DNAJC5B: variants seen among roughly 807,000 people sequenced by gnomAD.
DNAJC5B encodes the protein DnaJ heat shock protein family (Hsp40) member C5 beta.
DNAJC5B carries 23 observed loss-of-function variants against 24.7 expected under a neutral mutation model. The observed-to-expected ratio is 0.93, with a 90% CI of 0.67 to 1.32. The LOEUF (loss-of-function observed/expected upper bound fraction) is 1.32. DNAJC5B is among the 40% of genes most tolerant of loss of function. The probability of loss-of-function intolerance (pLI) is 0.00; values close to 1 mark genes in which losing one functional copy is unlikely to be tolerated. For missense variants in DNAJC5B, 238 were observed against 240.8 expected (o/e 0.99, Z 0.08); for synonymous variants, 101 against 90.1 (o/e 1.12, Z -0.68).
chr8:66,038,962 C>T (rs1806546861), intron 1 of DNAJC5B, among the ~76,000 whole-genome samples: 1 of 152,148 alleles, frequency 6.6e-6, no homozygotes, highest in Non-Finnish European at 1.5e-5. Flanking sequence ...TTTACTTAAC[C>T]AAAAGTTTAC....
chr8:66,068,186 C>G (rs961012674), intron 3 of DNAJC5B, among the ~76,000 whole-genome samples: 1 of 152,058 alleles, frequency 6.6e-6, no homozygotes, highest in Non-Finnish European at 1.5e-5. Flanking sequence ...GATAAGCATA[C>G]AAATCAAGAC....
intron 3 of DNAJC5B, among the ~76,000 whole-genome samples, chr8:66,067,938 T>G (rs1586096724): frequency 6.6e-6 from 1 of 152,200 alleles, no homozygotes; most frequent in Non-Finnish European, 1.5e-5. Flanking sequence ...TTTATGTAGC[T>G]TGTTACAGAG....
At chr8:66,063,965 C>T (rs987986834) in intron 3 of DNAJC5B, among the ~76,000 whole-genome samples, 2 of 152,106 alleles carry the variant, frequency 1.3e-5, no homozygotes, top group Non-Finnish European at 2.9e-5. Flanking sequence ...TCCAGCAATG[C>T]TGGCCAGCAG....
chr8:66,041,253 C>T (rs937266351), intron 1 of DNAJC5B, among the ~76,000 whole-genome samples: 1 of 152,150 alleles, frequency 6.6e-6, no homozygotes, highest in East Asian at 1.9e-4. Flanking sequence ...TTCATCATGT[C>T]CTTGCACATC....
At chr8:66,031,948 A>G (rs1400034931) in intron 1 of DNAJC5B, among the ~76,000 whole-genome samples, 2 of 152,226 alleles carry the variant, frequency 1.3e-5, no homozygotes, top group African/African-American at 4.8e-5. Flanking sequence ...TGCACCTACT[A>G]TGTCATCAGT....
At chr8:66,069,305 T>G (rs10108405) in intron 3 of DNAJC5B, among the ~76,000 whole-genome samples, 1 of 152,134 alleles carries the variant, frequency 6.6e-6, no homozygotes, top group East Asian at 1.9e-4. Flanking sequence ...TGACATCATA[T>G]GGTTTTTACA....
intron 1 of DNAJC5B, among the ~76,000 whole-genome samples, chr8:66,023,149 A>T (rs139434091): frequency 2.0e-4 from 31 of 152,336 alleles, no homozygotes; most frequent in Non-Finnish European, 3.8e-4. Context: ...TGTCTCAGCT[A>T]AGGGTATCAA....
intron 5 of DNAJC5B, among the ~76,000 whole-genome samples, chr8:66,085,861 C>T (rs1025973715): frequency 1.3e-5 from 2 of 152,062 alleles, no homozygotes; most frequent in Admixed American, 6.5e-5. Flanking sequence ...ATTGGAATTG[C>T]ATTAAATTTG....
intron 1 of DNAJC5B, among the ~76,000 whole-genome samples, chr8:66,022,632 A>T (rs1302655629): frequency 6.6e-6 from 1 of 152,104 alleles, no homozygotes; most frequent in Non-Finnish European, 1.5e-5. Context: ...ACAGGACACA[A>T]CTCTAACTCT....
chr8:66,021,934 C>T (rs937519805), intron 1 of DNAJC5B, among the ~76,000 whole-genome samples: 2 of 152,172 alleles, frequency 1.3e-5, no homozygotes, highest in African/African-American at 4.8e-5. Flanking sequence ...CTTTCAATAG[C>T]TCCTCCCCGG....
chr8:66,042,622 T>C (rs200936530), intron 1 of DNAJC5B, among the ~76,000 whole-genome samples: 3 of 132,912 alleles, frequency 2.3e-5, no homozygotes, highest in Non-Finnish European at 4.7e-5. Flanking sequence ...TTCTTCTTCT[T>C]CTCCTTCTCC....
chr8:66,082,950 A>T (rs1337061646), intron 5 of DNAJC5B, among the ~76,000 whole-genome samples: 2 of 136,858 alleles, frequency 1.5e-5, no homozygotes, highest in Non-Finnish European at 3.2e-5. Context: ...ACATCCATTG[A>T]TTGCTTCTTC....
At chr8:66,023,981 T>C (rs959284804) in intron 1 of DNAJC5B, among the ~76,000 whole-genome samples, 37 of 152,254 alleles carry the variant, frequency 2.4e-4, no homozygotes, top group South Asian at 6.2e-4. Flanking sequence ...ATCCAAATTC[T>C]GAAAGAAAAT....
chr8:66,098,167 T>A (rs1185119112), intron 5 of DNAJC5B, among the ~76,000 whole-genome samples: 1 of 152,058 alleles, frequency 6.6e-6, no homozygotes, highest in Non-Finnish European at 1.5e-5. Flanking sequence ...AATCTTTATC[T>A]TTTGTTCTGC....
chr8:66,042,966 C>T (rs1045801848), intron 1 of DNAJC5B, among the ~76,000 whole-genome samples: 1 of 151,978 alleles, frequency 6.6e-6, no homozygotes, highest in Admixed American at 6.6e-5. Context: ...TCATGTAAAA[C>T]TTTTTTAGTC....
intron 4 of DNAJC5B, among the ~76,000 whole-genome samples, chr8:66,077,686 A>T (rs1169420570): frequency 1.3e-5 from 2 of 152,212 alleles, no homozygotes; most frequent in African/African-American, 4.8e-5. Context: ...TAAATATCTA[A>T]AAAGGCAGGT....
chr8:66,036,794 G>T (rs1324530028), intron 1 of DNAJC5B, among the ~76,000 whole-genome samples: 1 of 152,198 alleles, frequency 6.6e-6, no homozygotes, highest in African/African-American at 2.4e-5. Context: ...AATTGAATAT[G>T]TATTCATTTG....
At chr8:66,057,925 GT>G (rs1201406218) in intron 3 of DNAJC5B, 2 of 152,212 alleles carry the variant, frequency 1.3e-5, no homozygotes, top group African/African-American at 2.4e-5. Flanking sequence ...GCTAAAGGAA[GT>G]TCTTCGAAAG....
At chr8:66,063,599 T>C (rs1194990347) in intron 3 of DNAJC5B, among the ~76,000 whole-genome samples, 1 of 152,168 alleles carries the variant, frequency 6.6e-6, no homozygotes, top group East Asian at 1.9e-4. Flanking sequence ...ACCTCCCTTG[T>C]CCCTCGTCAA....
Sources: allele counts gnomAD v4.1 joint callset (sites outside exome capture counted in the v4.1 genomes callset), GRCh38; gene constraint gnomAD v4.1.1; transcripts MANE v1.5; gene names NCBI Gene and HGNC (gene_info 2026-07-23, HGNC 2026-07-21).